Variants in COA1 observed in about 807,000 individuals in gnomAD.
COA1 encodes cytochrome c oxidase assembly factor 1 homolog.
COA1 carries 13 observed loss-of-function variants against 16.0 expected under a neutral mutation model. The observed-to-expected ratio is 0.81, with a 90% confidence interval of 0.53 to 1.29. The LOEUF is 1.29. Among genes scored for constraint, COA1 ranks in the 50% most tolerant of loss-of-function variants. The pLI, the probability that COA1 is intolerant of heterozygous loss-of-function variation, is 0.00. For missense variants in COA1, 179 were observed against 177.0 expected, an observed-to-expected ratio of 1.01 and a Z score of -0.06; for synonymous variants, 65 against 65.7, an observed-to-expected ratio of 0.99 and a Z score of 0.05.
At chr7:43,682,172 C>T (rs1441103125) in intron 1 of COA1, among the ~76,000 whole-genome samples, 2 of 152,164 alleles carry the variant, frequency 1.3e-5, no homozygotes, top group African/African-American at 4.8e-5. Flanking sequence ...AGATCAAAGC[C>T]TCTTCCTACC....
At chr7:43,700,555 C>A (rs753664744) in intron 1 of COA1, among the ~76,000 whole-genome samples, 1 of 145,394 alleles carries the variant, frequency 6.9e-6, no homozygotes, top group Non-Finnish European at 1.5e-5. Context: ...TATACATACA[C>A]GTATATATAT....
intron 1 of COA1, among the ~76,000 whole-genome samples, chr7:43,667,042 T>C (rs536307262): frequency 1.3e-5 from 2 of 152,334 alleles, no homozygotes; most frequent in African/African-American, 4.8e-5. Flanking sequence ...AGCAATGATC[T>C]ATAAGATTTC....
chr7:43,695,984 AAAAG>A (rs762950591), intron 1 of COA1, among the ~76,000 whole-genome samples: 10 of 152,214 alleles, frequency 6.6e-5, no homozygotes, highest in Non-Finnish European at 1.0e-4. Flanking sequence ...GCAAATTTAC[AAAAG>A]AAAGAGGTTT....
At chr7:43,654,439 C>G (rs1300764622) in intron 1 of COA1, among the ~76,000 whole-genome samples, 1 of 151,980 alleles carries the variant, frequency 6.6e-6, no homozygotes, top group Non-Finnish European at 1.5e-5. Context: ...AAGAACCACA[C>G]GTGATGGGAA....
intron 6 of COA1, chr7:43,624,861 A>G: frequency 6.4e-7 from 1 of 1,560,762 alleles, no homozygotes. Flanking sequence ...TCCCTTTAGA[A>G]CTTCAAGATT....
chr7:43,627,001 A>G (rs2084622948), intron 6 of COA1, among the ~76,000 whole-genome samples: 1 of 151,628 alleles, frequency 6.6e-6, no homozygotes, highest in Non-Finnish European at 1.5e-5. Flanking sequence ...AATAAAATCT[A>G]TTAATAACTG....
intron 1 of COA1, among the ~76,000 whole-genome samples, chr7:43,668,821 A>C (rs2093056782): frequency 6.6e-6 from 1 of 152,226 alleles, no homozygotes; most frequent in Non-Finnish European, 1.5e-5. Context: ...TATCTTGGCA[A>C]GTAAAATTTT....
chr7:43,636,417 T>C (rs572558893), downstream of COA1, among the ~76,000 whole-genome samples: 3 of 152,320 alleles, frequency 2.0e-5, no homozygotes, highest in South Asian at 2.1e-4. Flanking sequence ...AAACATTGTC[T>C]CACCTGTAAG....
At chr7:43,611,043 G>A (rs2082829703) in intron 6 of COA1, among the ~76,000 whole-genome samples, 1 of 152,166 alleles carries the variant, frequency 6.6e-6, no homozygotes, top group Non-Finnish European at 1.5e-5. Flanking sequence ...CTTGAACCTG[G>A]GAGGTGACGG....
chr7:43,671,325 T>A, intron 1 of COA1, among the ~76,000 whole-genome samples: 1 of 149,510 alleles, frequency 6.7e-6, no homozygotes, highest in African/African-American at 2.5e-5. Context: ...ATGAAGAAAG[T>A]GAAAACAACC....
At chr7:43,612,921 A>G (rs972238330) in intron 6 of COA1, among the ~76,000 whole-genome samples, 5 of 152,226 alleles carry the variant, frequency 3.3e-5, no homozygotes, top group African/African-American at 1.2e-4. Context: ...CCATTCGTTT[A>G]ATATATAAAA....
chr7:43,697,761 G>T (rs2094576351), intron 1 of COA1, among the ~76,000 whole-genome samples: 1 of 152,016 alleles, frequency 6.6e-6, no homozygotes, highest in African/African-American at 2.4e-5. Flanking sequence ...TCCTTAAAAA[G>T]TCCTTCCATG....
At chr7:43,638,465 A>G (rs1489792023), downstream of COA1, among the ~76,000 whole-genome samples, 1 of 152,092 alleles carries the variant, frequency 6.6e-6, no homozygotes, top group Non-Finnish European at 1.5e-5. Flanking sequence ...AAACCTAAGG[A>G]TACAATTATC....
At chr7:43,687,979 A>G (rs967903745) in intron 1 of COA1, among the ~76,000 whole-genome samples, 1 of 152,198 alleles carries the variant, frequency 6.6e-6, no homozygotes, top group Non-Finnish European at 1.5e-5. Context: ...TTCTCTTGAT[A>G]GTGAATAAGT....
chr7:43,624,861 A>T, intron 6 of COA1: 1 of 1,560,762 alleles, frequency 6.4e-7, no homozygotes, highest in African/African-American at 1.4e-5. Flanking sequence ...TCCCTTTAGA[A>T]CTTCAAGATT....
downstream of COA1, among the ~76,000 whole-genome samples, chr7:43,637,324 A>G (rs1383958868): frequency 1.3e-5 from 2 of 152,176 alleles, no homozygotes; most frequent in African/African-American, 4.8e-5. Flanking sequence ...AGCCTCTTCT[A>G]TAGTAAAGCA....
downstream of COA1, among the ~76,000 whole-genome samples, chr7:43,635,561 T>C (rs2085729277): frequency 6.6e-6 from 1 of 152,208 alleles, no homozygotes; most frequent in Non-Finnish European, 1.5e-5. Flanking sequence ...TCAGAAGTCC[T>C]GCATGCCACT....
At chr7:43,662,612 A>G (rs2092551183) in intron 1 of COA1, among the ~76,000 whole-genome samples, 1 of 152,270 alleles carries the variant, frequency 6.6e-6, no homozygotes, top group Non-Finnish European at 1.5e-5. Flanking sequence ...ATCAAGCCAG[A>G]CATTAAAGAA....
chr7:43,644,710 T>TAGATAGA (rs1554500950), intron 4 of COA1, among the ~76,000 whole-genome samples: 1 of 56,898 alleles, frequency 1.8e-5, no homozygotes, highest in East Asian at 3.2e-4. Flanking sequence ...GATAGATAGA[T>TAGATAGA]TAGATAGATA....
Sources: gnomAD v4.1 joint callset for allele counts (sites outside exome capture counted in the v4.1 genomes callset) on GRCh38, gnomAD v4.1.1 for gene constraint, MANE v1.5 for transcripts, NCBI Gene and HGNC (gene_info 2026-07-23, HGNC 2026-07-21) for gene names.